The following NLRP13 variants were observed in gnomAD, a reference collection of about 807,000 sequenced individuals.
NLRP13 encodes NACHT, LRR and PYD domains-containing protein 13.
NLRP13 carries 82 observed loss-of-function variants against 94.4 expected under a neutral mutation model. That is an observed-to-expected ratio of 0.87 (90% CI 0.73 to 1.04). The LOEUF (loss-of-function observed/expected upper bound fraction) is 1.04. NLRP13 is among the 50% of genes least tolerant of loss of function. The pLI is 0.00. For synonymous variants in NLRP13, 553 were observed against 464.7 expected (o/e 1.19, Z -2.45); for missense variants, 1,426 against 1,230.8 (o/e 1.16, Z -2.37).
intron 4 of NLRP13, among the ~76,000 whole-genome samples, chr19:55,913,655 C>G (rs969136571): frequency 6.6e-6 from 1 of 151,194 alleles, no homozygotes; most frequent in African/African-American, 2.4e-5. Context: ...ATCAAGAACA[C>G]CTTTAAGAGA....
intron 4 of NLRP13, among the ~76,000 whole-genome samples, chr19:55,916,292 A>G (rs2123130780): frequency 6.6e-6 from 1 of 152,360 alleles, no homozygotes; most frequent in Admixed American, 6.5e-5. Context: ...CTAATGCACA[A>G]TTCTTGGCAT....
chr19:55,897,460 C>T (rs1034547644), intron 10 of NLRP13, among the ~76,000 whole-genome samples: 4 of 151,874 alleles, frequency 2.6e-5, no homozygotes, highest in Admixed American at 6.6e-5. Context: ...GAGCTGAGAT[C>T]GCACCACTGC....
chr19:55,911,370 A>G (rs1270368253), intron 5 of NLRP13, among the ~76,000 whole-genome samples: 1 of 152,146 alleles, frequency 6.6e-6, no homozygotes, highest in African/African-American at 2.4e-5. Flanking sequence ...AGCTGGGACC[A>G]CAGGTGTGTG....
chr19:55,892,343 T>A (rs1985875506), downstream of NLRP13, among the ~76,000 whole-genome samples: 1 of 151,360 alleles, frequency 6.6e-6, no homozygotes, highest in East Asian at 2.0e-4. Context: ...AGTAGTCCCG[T>A]GTCTTGTCAA....
chr19:55,908,355 A>C (rs1986412913), intron 6 of NLRP13, among the ~76,000 whole-genome samples: 1 of 152,216 alleles, frequency 6.6e-6, no homozygotes, highest in Non-Finnish European at 1.5e-5. Flanking sequence ...TTGAGAACTA[A>C]GTACGACCAA....
chr19:55,919,487 C>A (rs1470185602), intron 4 of NLRP13, among the ~76,000 whole-genome samples: 1 of 151,862 alleles, frequency 6.6e-6, no homozygotes, highest in East Asian at 1.9e-4. Context: ...TAAAAGACTC[C>A]TAGATTTGAT....
At chr19:55,901,398 T>TAAGGGAGAG (rs1986168045) in intron 9 of NLRP13, among the ~76,000 whole-genome samples, 2 of 152,064 alleles carry the variant, frequency 1.3e-5, no homozygotes, top group South Asian at 4.1e-4. Flanking sequence ...TGTGGGCACT[T>TAAGGGAGAG]AAGGGAGAGA....
chr19:55,922,214 C>T (rs1986847372), intron 4 of NLRP13, among the ~76,000 whole-genome samples: 1 of 152,100 alleles, frequency 6.6e-6, no homozygotes, highest in Non-Finnish European at 1.5e-5. Context: ...TCCCATGACA[C>T]ATGGGAATTA....
At chr19:55,894,473 T>G (rs1248366816), downstream of NLRP13, among the ~76,000 whole-genome samples, 1 of 152,176 alleles carries the variant, frequency 6.6e-6, no homozygotes, top group Non-Finnish European at 1.5e-5. Flanking sequence ...CACATGCTAC[T>G]GAAACATCCT....
In NLRP13 at chr19:55,906,337, C is replaced by CAAAAAAAAAAAAAAAA. The variant is rs71182931; in HGVS notation, c.2448-1241_2448-1226dup. 3.3e-4 allele frequency among the ~76,000 whole-genome samples: 20 copies of CAAAAAAAAAAAAAAAA among 60,956 alleles called. 2 individuals are homozygous for CAAAAAAAAAAAAAAAA. Among genetic ancestry groups the CAAAAAAAAAAAAAAAA allele is most frequent in the East Asian group, 5.4e-4 (1 of 1,850 alleles). 40.0% of individuals were successfully genotyped at this position (60,956 alleles called of 152,430 possible). On this transcript the variant is annotated intron_variant, in intron 7 of 10. Coordinates refer to ENST00000342929, the MANE Select transcript of NLRP13 (RefSeq NM_176810.2). ...TGGGTGACAGAGTGAGACTCCATCT[C>CAAAAAAAAAAAAAAAA]AAAAAAAAAAAAAAAAAGACAGATG...
rs1410857588 is a variant in NLRP13 at position 55,912,736 on chromosome 19, T to C, written c.1081A>G (p.Ile361Val). Residue 361 changes from isoleucine (I) to valine (V), a missense_variant, in exon 5 of 11, where the codon ATC becomes GTC. Transcript: ENST00000342929. ...KELVPLATLL[I>V]TIKTWFVRDL... ...CTCACAAACCAGGTCTTGATCGTGA[T>C]CAGTAAGGTAGCCAGGGGAACCAAT... 6.2e-7 allele frequency: 1 copy of C among 1,614,176 alleles called. No individual in the cohort carries two copies. Among genetic ancestry groups the C allele is most frequent in the South Asian group, 1.1e-5 (1 of 91,080 alleles).
rs1317578342 is a variant in NLRP13, at chr19:55,910,695, C to G, written c.2150G>C (p.Ser717Thr). 1 of 1,612,250 alleles carries G rather than the reference C, an allele frequency of 6.2e-7. No homozygotes were observed. Among genetic ancestry groups the G allele is most frequent in the South Asian group, 1.1e-5 (1 of 90,950 alleles). ...ATTTGTGACCAACGTAGAGCAAATG[C>G]TGTTCCATGCGTGCATCCTGGAATC... ...KFDSRMHAWN[S>T]ICSTLVTNEN... The change falls in exon 6 of 11, where the codon AGC becomes ACC. Residue 717 changes from serine (S) to threonine (T), a missense_variant. Ser to Thr is a moderately conservative substitution (Grantham distance 58, BLOSUM62 1). Transcript: ENST00000342929.
chr19:55,912,494 C>T lies in NLRP13; in HGVS notation c.1323G>A (p.Arg441=), dbSNP rs374356971. The change falls in exon 5 of 11, where the codon AGG becomes AGA. Residue 441 remains arginine (R), a synonymous_variant. Transcript: ENST00000342929. ...VCSCLKQPKV[R]YYDLQSITQT... is the part of the protein sequence containing the mutation. ...GAGTGATTGACTGGAGATCGTAATA[C>T]CTCACCTTCGGCTGCTTCAGACAGG... is the stretch of plus-strand genomic sequence containing the variant. The T allele has an allele frequency of 2.5e-6, 4 of 1,613,992 alleles. No homozygotes were observed. Among genetic ancestry groups the T allele is most frequent in the Admixed American group, 3.3e-5 (2 of 59,994 alleles).
At chr19:55,896,558 C>A (rs1986017673) in intron 10 of NLRP13, among the ~76,000 whole-genome samples, 1 of 148,974 alleles carries the variant, frequency 6.7e-6, no homozygotes, top group African/African-American at 2.5e-5. Context: ...GTGGCTCACA[C>A]CTGTAATCCC....
chr19:55,920,045 T>C (rs761109216), intron 4 of NLRP13, among the ~76,000 whole-genome samples: 3 of 152,188 alleles, frequency 2.0e-5, no homozygotes, highest in Non-Finnish European at 4.4e-5. Flanking sequence ...AGCTAGCTGA[T>C]CTTCCGCAAA....
intron 1 of NLRP13, among the ~76,000 whole-genome samples, 182 bp from the exon 2 acceptor site, chr19:55,925,217 C>G (rs1986939364): frequency 6.6e-6 from 1 of 152,310 alleles, no homozygotes; most frequent in African/African-American, 2.4e-5. Context: ...CTGGAAAGTC[C>G]ACAGCACACG....
intron 4 of NLRP13, among the ~76,000 whole-genome samples, chr19:55,917,460 G>A (rs1448206031): frequency 1.3e-5 from 2 of 151,948 alleles, no homozygotes; most frequent in Non-Finnish European, 2.9e-5. Context: ...TGGATTAAAT[G>A]CGCTTCTTAA....
At position 55,913,431 on chromosome 19, in the gene NLRP13, G is replaced by A. The variant is rs997961048; in HGVS notation, c.524-138C>T. 3 of 994,072 alleles carry A rather than the reference G, an allele frequency of 3.0e-6. No individual in the cohort carries two copies. The East Asian group carries it at 7.5e-5, about 25-fold the overall frequency. The allele number at this position is 994,072 out of a possible 1,614,324, so 61.6% of individuals were successfully genotyped here. On this transcript the variant is annotated intron_variant, in intron 4 of 10. Transcript: ENST00000342929. ...AGGATTTTGTGGGAATGCAGTGGTA[G>A]AAAGTTGCAAAAGGAGGCTGAGGTA...
chr19:55,912,269 G>C lies in NLRP13; in HGVS notation c.1548C>G (p.Leu516=), dbSNP rs756221722. 1 of 1,614,100 alleles carries C rather than the reference G, an allele frequency of 6.2e-7. No homozygotes were observed. Among genetic ancestry groups the C allele is most frequent in the South Asian group, 1.1e-5 (1 of 91,082 alleles). Residue 516 remains leucine (L), a synonymous_variant, in exon 5 of 11, where the codon CTC becomes CTG. Coordinates refer to ENST00000342929, the MANE Select transcript of NLRP13 (RefSeq NM_176810.2). The part of the protein sequence containing the change: ...EGLEVPFIDS[L]YEFNILQKIN... ...TCTTTTGAAGAATATTGAACTCGTAGAGAGAATCAATGAAAGGCACTTCCA... is the reference window on the plus strand; with the variant it reads ...TCTTTTGAAGAATATTGAACTCGTACAGAGAATCAATGAAAGGCACTTCCA...
Sources: allele counts gnomAD v4.1 joint callset (sites outside exome capture counted in the v4.1 genomes callset), GRCh38; gene constraint gnomAD v4.1.1; transcripts MANE v1.5; gene names NCBI Gene and HGNC (gene_info 2026-07-23, HGNC 2026-07-21).